Variants in ANO3 observed in about 807,000 individuals in gnomAD.
ANO3 encodes the protein anoctamin-3.
Under a neutral mutation model 144.8 loss-of-function variants are expected in ANO3, and 99 were observed. That is an observed-to-expected ratio of 0.68 (90% CI 0.58 to 0.81). ANO3 has a LOEUF of 0.81. Ranked by LOEUF, ANO3 falls within the 30% of genes least tolerant of loss-of-function variation. The pLI is 0.00. For synonymous variants in ANO3, 414 were observed against 392.6 expected (o/e 1.05, Z -0.64); for missense variants, 905 against 1,202.2 (o/e 0.75, Z 3.66).
chr11:26,523,332 T>C (rs894461003), intron 6 of ANO3, among the ~76,000 whole-genome samples: 3 of 152,206 alleles, frequency 2.0e-5, no homozygotes, highest in Admixed American at 2.0e-4. Flanking sequence ...GTAATTGGGC[T>C]GTTAATTAGC....
intron 4 of ANO3, among the ~76,000 whole-genome samples, chr11:26,482,304 T>A (rs75521869): frequency 0.054 from 8,212 of 152,080 alleles, 286 homozygotes; most frequent in East Asian, 0.15. Flanking sequence ...GCCATGTTGG[T>A]GTTTCTTGAA....
intron 15 of ANO3, 151 bp from the exon 16 acceptor site, chr11:26,598,707 A>T: frequency 1.4e-6 from 1 of 737,588 alleles, no homozygotes; most frequent in Non-Finnish European, 2.1e-6. Flanking sequence ...ATTTATTTGG[A>T]AGGTAATTTG....
intron 1 of ANO3, among the ~76,000 whole-genome samples, chr11:26,292,749 C>T (rs1189236356): frequency 2.6e-5 from 4 of 152,194 alleles, no homozygotes; most frequent in Non-Finnish European, 5.9e-5. Flanking sequence ...TGCAGAACAG[C>T]AAATATTGCA....
chr11:26,625,638 C>G (rs1852560172), intron 18 of ANO3, among the ~76,000 whole-genome samples: 1 of 151,878 alleles, frequency 6.6e-6, no homozygotes, highest in Non-Finnish European at 1.5e-5. Context: ...TAATTTATCC[C>G]AAAGGTTTTG....
At chr11:26,593,567 T>A (rs1851516684) in intron 14 of ANO3, among the ~76,000 whole-genome samples, 1 of 152,162 alleles carries the variant, frequency 6.6e-6, no homozygotes, top group Non-Finnish European at 1.5e-5. Flanking sequence ...TGGCATGGGC[T>A]GGCGCTTGCC....
chr11:26,277,774 C>T (rs868437293), intron 1 of ANO3, among the ~76,000 whole-genome samples: 1 of 151,280 alleles, frequency 6.6e-6, no homozygotes, highest in African/African-American at 2.4e-5. Flanking sequence ...TTTCTTTTTC[C>T]TACTTGTACC....
At chr11:26,546,480 C>T (rs1849791724) in intron 11 of ANO3, among the ~76,000 whole-genome samples, 1 of 151,908 alleles carries the variant, frequency 6.6e-6, no homozygotes, top group East Asian at 1.9e-4. Context: ...CTGCTCAGTG[C>T]AATATGCCCA....
chr11:26,509,060 T>C (rs1406268259), intron 5 of ANO3, among the ~76,000 whole-genome samples: 1 of 145,982 alleles, frequency 6.9e-6, no homozygotes, highest in Non-Finnish European at 1.5e-5. Context: ...AGCCATGATA[T>C]ATATGTACGT....
intron 14 of ANO3, among the ~76,000 whole-genome samples, chr11:26,594,542 A>T (rs1031925621): frequency 1.3e-5 from 2 of 152,186 alleles, no homozygotes; most frequent in African/African-American, 4.8e-5. Flanking sequence ...GGAAAAAGGT[A>T]CATGCACTCT....
chr11:26,371,845 C>G (rs1219612087), intron 1 of ANO3, among the ~76,000 whole-genome samples: 1 of 152,186 alleles, frequency 6.6e-6, no homozygotes, highest in African/African-American at 2.4e-5. Flanking sequence ...CCTGTTGTAT[C>G]TAGGCAGGAA....
At chr11:26,612,709 T>C (rs1054306774) in intron 17 of ANO3, among the ~76,000 whole-genome samples, 5 of 152,102 alleles carry the variant, frequency 3.3e-5, no homozygotes, top group Non-Finnish European at 7.4e-5. Context: ...CTTCAGCATT[T>C]GTTTTTCTGG....
intron 1 of ANO3, among the ~76,000 whole-genome samples, chr11:26,278,344 A>G (rs1450427146): frequency 6.6e-6 from 1 of 152,180 alleles, no homozygotes; most frequent in South Asian, 2.1e-4. Context: ...TTGCTACCCT[A>G]TTAAACCAGT....
intron 1 of ANO3, among the ~76,000 whole-genome samples, chr11:26,437,329 A>G (rs1858331963): frequency 6.6e-6 from 1 of 152,194 alleles, no homozygotes; most frequent in Non-Finnish European, 1.5e-5. Flanking sequence ...GCCTGTCAGA[A>G]TGAAGGCCCT....
At chr11:26,392,916 G>A (rs1319695704) in intron 1 of ANO3, among the ~76,000 whole-genome samples, 1 of 152,014 alleles carries the variant, frequency 6.6e-6, no homozygotes. Context: ...ATGGTACTTG[G>A]GTAAATGGAT....
At chr11:26,388,698 G>A (rs1856797805) in intron 1 of ANO3, among the ~76,000 whole-genome samples, 1 of 152,130 alleles carries the variant, frequency 6.6e-6, no homozygotes. Flanking sequence ...ATCCCATCAT[G>A]ACTGATTTTT....
chr11:26,239,980 A>T (rs955307212), intron 1 of ANO3, among the ~76,000 whole-genome samples: 4 of 152,194 alleles, frequency 2.6e-5, no homozygotes, highest in Admixed American at 2.6e-4. Flanking sequence ...GTATAGTATA[A>T]TATAGTAGGT....
chr11:26,556,543 G>C (rs757804402), intron 13 of ANO3, among the ~76,000 whole-genome samples: 1 of 151,940 alleles, frequency 6.6e-6, no homozygotes, highest in Non-Finnish European at 1.5e-5. Context: ...TCTGGACCCC[G>C]TATCCTGAAA....
chr11:26,201,801 G>A (rs924160066), intron 1 of ANO3, among the ~76,000 whole-genome samples: 13 of 149,834 alleles, frequency 8.7e-5, no homozygotes, highest in African/African-American at 2.9e-4. Flanking sequence ...TGTGAATAAA[G>A]CACTGACTCT....
At chr11:26,565,798 T>C (rs1240234440) in intron 14 of ANO3, 1 of 1,613,128 alleles carries the variant, frequency 6.2e-7, no homozygotes, top group Admixed American at 1.7e-5. Context: ...TTTCCATGGC[T>C]CCCCGATAGA....
Sources: allele counts gnomAD v4.1 joint callset (sites outside exome capture counted in the v4.1 genomes callset), GRCh38; gene constraint gnomAD v4.1.1; transcripts MANE v1.5; gene names NCBI Gene and HGNC (gene_info 2026-07-23, HGNC 2026-07-21).